DUS2: variants seen among roughly 807,000 people sequenced by gnomAD.
The protein encoded by DUS2 is dihydrouridine synthase 2.
Under a neutral mutation model 71.3 loss-of-function variants are expected in DUS2, and 52 were observed. That is an observed-to-expected ratio of 0.73 (90% CI 0.58 to 0.92). The LOEUF (loss-of-function observed/expected upper bound fraction) is 0.92. DUS2 is among the 40% of genes least tolerant of loss of function. DUS2 has a pLI of 0.00. For missense variants in DUS2, 558 were observed against 622.6 expected (o/e 0.90, Z 1.10); for synonymous variants, 204 against 227.8 (o/e 0.90, Z 0.94).
At chr16:68,072,629 T>G (rs1364474911) in intron 12 of DUS2, among the ~76,000 whole-genome samples, 2 of 151,262 alleles carry the variant, frequency 1.3e-5, no homozygotes, top group Non-Finnish European at 3.0e-5. Context: ...CTTCCCACTT[T>G]GTCCTGAGCG....
In DUS2 at chr16:68,023,587, T is replaced by C. The variant is rs1221228441; in HGVS notation, c.-99+236T>C. The C allele has an allele frequency of 1.8e-5, 4 of 226,252 alleles. No homozygotes were observed. In the South Asian group the frequency reaches 3.3e-4, roughly 19 times the overall value. 14.0% of individuals were successfully genotyped at this position (226,252 alleles called of 1,614,324 possible). On this transcript the variant is annotated intron_variant, in intron 1 of 16. Coordinates refer to ENST00000565263, the MANE Select transcript of DUS2 (RefSeq NM_017803.5). ...CCGTGCTGGTATCCGAGGTTGCAGC[T>C]GTTTTCCCAGATGTGTTCCCTGCGC... is the stretch of plus-strand genomic sequence containing the variant.
chr16:68,072,463 T>A (rs2034100822), intron 12 of DUS2, among the ~76,000 whole-genome samples: 1 of 152,254 alleles, frequency 6.6e-6, no homozygotes, highest in South Asian at 2.1e-4. Flanking sequence ...TCATTCCTGC[T>A]GAGCCATCTC....
chr16:68,076,501 C>A, intron 14 of DUS2, 131 bp from the exon 15 acceptor site: 1 of 662,986 alleles, frequency 1.5e-6, no homozygotes, highest in Non-Finnish European at 2.7e-6. Flanking sequence ...AGTACAGAAG[C>A]CTTAAGGCAG....
chr16:68,078,583 C>T (rs1018930919), intron 16 of DUS2, 65 bp downstream of exon 16: 31 of 1,565,176 alleles, frequency 2.0e-5, no homozygotes, highest in Non-Finnish European at 2.5e-5. Flanking sequence ...TCTGCCCACA[C>T]ATCCAGCATT....
chr16:68,076,992 C>T lies in DUS2; in HGVS notation c.1170+273C>T, dbSNP rs370508208. Among the ~76,000 whole-genome samples, 53 of 151,758 alleles carry T rather than the reference C, an allele frequency of 3.5e-4. 1 individual carries two copies. The East Asian group carries it at 8.9e-3, about 26-fold the overall frequency. On this transcript the variant is annotated intron_variant, in intron 15 of 16. Coordinates refer to ENST00000565263, the MANE Select transcript of DUS2 (RefSeq NM_017803.5). ...GTGGTCTCAGCCGGGCACGGTGGCTCATGCCTGTAATCCCACAACTTTGGG... is the reference window on the plus strand; with the variant it reads ...GTGGTCTCAGCCGGGCACGGTGGCTTATGCCTGTAATCCCACAACTTTGGG...
At chr16:68,066,293 G>A (rs1311503648) in intron 8 of DUS2, 24 bp from the exon 9 acceptor site, 1 of 1,611,788 alleles carries the variant, frequency 6.2e-7, no homozygotes, top group Non-Finnish European at 8.5e-7. Context: ...AGACATAGGT[G>A]CTCTTGTGTT....
intron 3 of DUS2, among the ~76,000 whole-genome samples, chr16:68,043,757 C>G (rs1264464511): frequency 6.6e-6 from 1 of 152,126 alleles, no homozygotes; most frequent in Non-Finnish European, 1.5e-5. Context: ...CTCCACCTCC[C>G]AGGTTCAAGC....
chr16:68,026,151 C>T lies in DUS2; in HGVS notation c.-19+657C>T, dbSNP rs544925459. ...GATTACAGGCACGTGCTACCAAACC[C>T]GGCTAATTTCTGTATTTTTAGTAGA... On this transcript the variant is annotated intron_variant, in intron 2 of 16. Coordinates refer to ENST00000565263, the MANE Select transcript of DUS2 (RefSeq NM_017803.5). Among the ~76,000 whole-genome samples, 126 of 152,198 alleles carry T rather than the reference C, an allele frequency of 8.3e-4. 3 individuals are homozygous for T. In the South Asian group the frequency reaches 0.023, roughly 28 times the overall value.
chr16:68,050,067 T>C (rs896615855), intron 4 of DUS2, among the ~76,000 whole-genome samples: 1 of 152,226 alleles, frequency 6.6e-6, no homozygotes, highest in Non-Finnish European at 1.5e-5. Flanking sequence ...ACTTTATTGA[T>C]GAGGCTGATT....
chr16:68,064,859 C>G (rs1314427236), intron 8 of DUS2, among the ~76,000 whole-genome samples: 1 of 152,192 alleles, frequency 6.6e-6, no homozygotes, highest in Non-Finnish European at 1.5e-5. Context: ...CCTGATAGGC[C>G]TCCACTACTG....
chr16:68,070,281 C>T, intron 11 of DUS2, 61 bp downstream of exon 11: 1 of 1,505,154 alleles, frequency 6.6e-7, no homozygotes. Flanking sequence ...TGGGTGGTAG[C>T]CAGGCCCAGC....
intron 2 of DUS2, among the ~76,000 whole-genome samples, chr16:68,029,852 C>G (rs1477798759): frequency 6.6e-6 from 1 of 151,490 alleles, no homozygotes; most frequent in African/African-American, 2.4e-5. Context: ...CCTGTAATCC[C>G]AACACTTTGG....
chr16:68,073,905 A>C, intron 12 of DUS2, 129 bp from the exon 13 acceptor site: 1 of 1,165,804 alleles, frequency 8.6e-7, no homozygotes, highest in Non-Finnish European at 1.2e-6. Context: ...GGTTCTTCTT[A>C]TGGGGGTCAC....
At chr16:68,028,763 A>G (rs148615983) in intron 2 of DUS2, among the ~76,000 whole-genome samples, 3 of 152,304 alleles carry the variant, frequency 2.0e-5, no homozygotes, top group Non-Finnish European at 2.9e-5. Flanking sequence ...CACTCTTCAC[A>G]GCATTTCCTT....
intron 5 of DUS2, chr16:68,053,924 G>T: frequency 2.3e-6 from 1 of 436,246 alleles, no homozygotes. Flanking sequence ...TGTTTGGCAT[G>T]ATTTCTCTAT....
intron 2 of DUS2, among the ~76,000 whole-genome samples, chr16:68,037,394 G>A (rs1032427832): frequency 9.9e-5 from 15 of 151,512 alleles, no homozygotes; most frequent in African/African-American, 3.4e-4. Flanking sequence ...GACCAGCCTG[G>A]CCAATGTGGT....
At chr16:68,039,241 C>G (rs2033583617) in intron 3 of DUS2, among the ~76,000 whole-genome samples, 1 of 151,948 alleles carries the variant, frequency 6.6e-6, no homozygotes, top group Admixed American at 6.6e-5. Flanking sequence ...AGGCAAAAGT[C>G]AGGTTTGTTA....
intron 6 of DUS2, among the ~76,000 whole-genome samples, chr16:68,055,357 C>T (rs1009318483): frequency 6.6e-5 from 10 of 151,516 alleles, no homozygotes; most frequent in Admixed American, 2.6e-4. Flanking sequence ...GGAAGACTGA[C>T]GTGGAAGGAT....
intron 8 of DUS2, among the ~76,000 whole-genome samples, chr16:68,062,152 A>C (rs1009476093): frequency 1.3e-5 from 2 of 152,080 alleles, no homozygotes; most frequent in Non-Finnish European, 2.9e-5. Flanking sequence ...CTGGGATTAC[A>C]GGCGCCCACG....
Sources: gnomAD v4.1 joint callset for allele counts (sites outside exome capture counted in the v4.1 genomes callset) on GRCh38, gnomAD v4.1.1 for gene constraint, MANE v1.5 for transcripts, NCBI Gene and HGNC (gene_info 2026-07-23, HGNC 2026-07-21) for gene names.